Variants in MACROD2 observed in about 807,000 individuals in gnomAD.
MACROD2 encodes mono-ADP ribosylhydrolase 2.
MACROD2 carries 36 observed loss-of-function variants against 70.4 expected under a neutral mutation model. The ratio of observed to expected loss-of-function variants is 0.51; its 90% CI spans 0.39 to 0.68. The LOEUF (loss-of-function observed/expected upper bound fraction) is 0.68, where lower values mean the gene tolerates loss of function less well. MACROD2 is among the 30% of genes least tolerant of loss of function. The probability of loss-of-function intolerance (pLI) is 0.00; values close to 1 mark genes in which losing one functional copy is unlikely to be tolerated. For synonymous variants in MACROD2, 172 were observed against 178.8 expected (o/e 0.96, Z 0.30); for missense variants, 496 against 538.4 (o/e 0.92, Z 0.78).
intron 8 of MACROD2, among the ~76,000 whole-genome samples, chr20:15,679,018 C>A (rs1164213762): frequency 1.3e-5 from 2 of 152,106 alleles, no homozygotes; most frequent in Non-Finnish European, 2.9e-5. Context: ...AGGCAGATCA[C>A]CTGAGGTCAG....
chr20:14,719,549 G>A (rs1489630120), intron 5 of MACROD2, among the ~76,000 whole-genome samples: 1 of 151,746 alleles, frequency 6.6e-6, no homozygotes, highest in Non-Finnish European at 1.5e-5. Flanking sequence ...GCAAACATGG[G>A]GGCCTGATTA....
chr20:14,129,323 T>C (rs187619832), intron 3 of MACROD2, among the ~76,000 whole-genome samples: 111 of 152,316 alleles, frequency 7.3e-4, no homozygotes, highest in Non-Finnish European at 8.8e-4. Context: ...ATAGCAGATA[T>C]CGTGGAAATA....
intron 3 of MACROD2, among the ~76,000 whole-genome samples, chr20:14,192,456 T>C (rs1327708086): frequency 2.0e-5 from 3 of 152,116 alleles, no homozygotes; most frequent in Admixed American, 6.5e-5. Flanking sequence ...AGGTGTATCT[T>C]AGGATATATT....
intron 15 of MACROD2, among the ~76,000 whole-genome samples, 181 bp from the exon 16 acceptor site, chr20:16,041,020 C>A (rs1472475220): frequency 6.6e-6 from 1 of 151,946 alleles, no homozygotes; most frequent in African/African-American, 2.4e-5. Flanking sequence ...CTTAGAAGGC[C>A]ACACAAAAGT....
At chr20:14,388,909 A>G (rs1329552208) in intron 3 of MACROD2, among the ~76,000 whole-genome samples, 6 of 152,018 alleles carry the variant, frequency 3.9e-5, no homozygotes, top group Non-Finnish European at 4.4e-5. Flanking sequence ...ATAGAGTCTC[A>G]TTCTATTGCC....
At chr20:15,657,124 G>A (rs1021919109) in intron 8 of MACROD2, among the ~76,000 whole-genome samples, 3 of 151,862 alleles carry the variant, frequency 2.0e-5, no homozygotes, top group African/African-American at 7.3e-5. Context: ...GAAGGCAGAA[G>A]GAATAAATGA....
chr20:16,002,272 T>C (rs1443557743), intron 15 of MACROD2, among the ~76,000 whole-genome samples: 1 of 152,114 alleles, frequency 6.6e-6, no homozygotes, highest in Non-Finnish European at 1.5e-5. Flanking sequence ...GGGTTACTGT[T>C]TTTAATTGCC....
chr20:15,586,963 T>A (rs2048611457), intron 8 of MACROD2, among the ~76,000 whole-genome samples: 1 of 152,204 alleles, frequency 6.6e-6, no homozygotes, highest in African/African-American at 2.4e-5. Flanking sequence ...GAGACAATGT[T>A]CTTGAGTGGC....
intron 12 of MACROD2, among the ~76,000 whole-genome samples, chr20:15,953,644 T>C (rs2065937396): frequency 6.6e-6 from 1 of 152,210 alleles, no homozygotes; most frequent in Admixed American, 6.5e-5. Flanking sequence ...TAAAAACGTT[T>C]CTGTTTTCAA....
intron 8 of MACROD2, among the ~76,000 whole-genome samples, chr20:15,503,870 G>A (rs2047394222): frequency 6.6e-6 from 1 of 152,130 alleles, no homozygotes; most frequent in Non-Finnish European, 1.5e-5. Context: ...ACAAAAAAGA[G>A]GAATCTATGT....
chr20:14,257,883 C>T (rs1424103674), intron 3 of MACROD2, among the ~76,000 whole-genome samples: 1 of 133,584 alleles, frequency 7.5e-6, no homozygotes, highest in Non-Finnish European at 1.5e-5. Flanking sequence ...TATTCCTTGC[C>T]CCCTTCTTCA....
chr20:14,919,288 G>C (rs985157498), intron 5 of MACROD2, among the ~76,000 whole-genome samples: 4 of 152,176 alleles, frequency 2.6e-5, no homozygotes, highest in Non-Finnish European at 1.5e-5. Context: ...AAATTCACAG[G>C]AGTGTAATAT....
At chr20:15,847,304 T>C (rs893180210) in intron 8 of MACROD2, among the ~76,000 whole-genome samples, 1 of 152,200 alleles carries the variant, frequency 6.6e-6, no homozygotes, top group African/African-American at 2.4e-5. Flanking sequence ...ATTTTAGGAA[T>C]GTATCTCTCT....
At chr20:14,570,181 G>C (rs1404415904) in intron 4 of MACROD2, among the ~76,000 whole-genome samples, 5 of 152,022 alleles carry the variant, frequency 3.3e-5, no homozygotes, top group Non-Finnish European at 7.4e-5. Context: ...TGAGACAACT[G>C]TACGTATATA....
intron 8 of MACROD2, among the ~76,000 whole-genome samples, chr20:15,853,114 T>C (rs1265171254): frequency 6.6e-6 from 1 of 152,206 alleles, no homozygotes; most frequent in East Asian, 1.9e-4. Flanking sequence ...TTAACCTGGC[T>C]TACAAGGTCA....
In MACROD2 at chr20:14,310,784, C is replaced by A. The variant is rs575334172; in HGVS notation, c.272-182695C>A. On this transcript the variant is annotated intron_variant, in intron 3 of 17. Transcript: ENST00000684519. The stretch of plus-strand genomic sequence containing the variant: ...AGAAAATGATATTGGTGATCCTGAT[C>A]CTTTTTAGGCCTAGGCTAAGATGTT... 2.0e-5 allele frequency among the ~76,000 whole-genome samples: 3 copies of A among 152,010 alleles called. No homozygotes were observed. In the East Asian group the frequency reaches 5.8e-4, roughly 29 times the overall value.
At chr20:15,317,043 G>A (rs552427648) in intron 6 of MACROD2, among the ~76,000 whole-genome samples, 1 of 152,042 alleles carries the variant, frequency 6.6e-6, no homozygotes, top group African/African-American at 2.4e-5. Context: ...CAAACTTACA[G>A]GATGCAGAAA....
chr20:14,520,651 T>G (rs1700969969), intron 4 of MACROD2, among the ~76,000 whole-genome samples: 1 of 152,188 alleles, frequency 6.6e-6, no homozygotes, highest in Admixed American at 6.5e-5. Flanking sequence ...CGATTCTTTA[T>G]AATTCAGCTC....
At chr20:14,296,103 A>G (rs2082425913) in intron 3 of MACROD2, among the ~76,000 whole-genome samples, 1 of 151,884 alleles carries the variant, frequency 6.6e-6, no homozygotes, top group Admixed American at 6.6e-5. Flanking sequence ...AGCCAGGACC[A>G]TGCTTATTGT....
Sources: gnomAD v4.1 joint callset for allele counts (sites outside exome capture counted in the v4.1 genomes callset) on GRCh38, gnomAD v4.1.1 for gene constraint, MANE v1.5 for transcripts, NCBI Gene and HGNC (gene_info 2026-07-23, HGNC 2026-07-21) for gene names.